ASAP3: variants seen among roughly 807,000 people sequenced by gnomAD.
ASAP3 encodes the protein arf-GAP with SH3 domain, ANK repeat and PH domain-containing protein 3.
Under a neutral mutation model 118.2 loss-of-function variants are expected in ASAP3, and 85 were observed. The observed-to-expected ratio is 0.72, with a 90% CI of 0.60 to 0.86. The LOEUF is 0.86. ASAP3 is among the 40% of genes least tolerant of loss of function. The pLI is 0.00. For synonymous variants in ASAP3, 432 were observed against 477.4 expected, an observed-to-expected ratio of 0.90 and a Z score of 1.24; for missense variants, 1,026 against 1,175.0, an observed-to-expected ratio of 0.87 and a Z score of 1.85.
chr1:23,430,971 T>C (rs1263565660), intron 24 of ASAP3, 64 bp downstream of exon 24: 12 of 1,442,576 alleles, frequency 8.3e-6, no homozygotes, highest in Middle Eastern at 2.0e-4. Flanking sequence ...CGCCTACTCT[T>C]GACTAACTCT....
At chr1:23,463,268 C>T (rs1229550994) in intron 1 of ASAP3, among the ~76,000 whole-genome samples, 4 of 152,158 alleles carry the variant, frequency 2.6e-5, no homozygotes, top group African/African-American at 9.7e-5. Context: ...TCTAATTACT[C>T]CTTTCTCAAG....
At chr1:23,473,411 GAATCAGTTTTT>G (rs1005931338) in intron 1 of ASAP3, among the ~76,000 whole-genome samples, 1 of 152,178 alleles carries the variant, frequency 6.6e-6, no homozygotes, top group African/African-American at 2.4e-5. Flanking sequence ...TGGTGAGGTG[GAATCAGTTTTT>G]CCAGGGCCCT....
At chr1:23,463,651 G>A (rs1235677691) in intron 1 of ASAP3, among the ~76,000 whole-genome samples, 1 of 151,736 alleles carries the variant, frequency 6.6e-6, no homozygotes, top group African/African-American at 2.4e-5. Context: ...GCCCAGCCTG[G>A]AGTGCAATGG....
rs757680049 is a variant in ASAP3 at position 23,434,627 on chromosome 1, A to C, written c.1750-9T>G. 6.2e-7 allele frequency: 1 copy of C among 1,612,958 alleles called. No individual in the cohort carries two copies. Among genetic ancestry groups the C allele is most frequent in the East Asian group, 2.2e-5 (1 of 44,864 alleles). On this transcript the variant is annotated splice_polypyrimidine_tract_variant and intron_variant, in intron 17 of 24. Coordinates refer to ENST00000336689, the MANE Select transcript of ASAP3 (RefSeq NM_017707.4). ...ACGAGTTCTTCAGGTGCCTGAAAACACATCCACACCTCTGAGATTCCCCCC... is the reference window on the plus strand; with the variant it reads ...ACGAGTTCTTCAGGTGCCTGAAAACCCATCCACACCTCTGAGATTCCCCCC...
intron 1 of ASAP3, among the ~76,000 whole-genome samples, chr1:23,461,713 G>T (rs1044757206): frequency 1.3e-5 from 2 of 152,000 alleles, no homozygotes; most frequent in Admixed American, 1.3e-4. Flanking sequence ...GGAATGCAAG[G>T]GTACCCTCTG....
chr1:23,443,505 G>T (rs1640944573), intron 5 of ASAP3, among the ~76,000 whole-genome samples: 1 of 152,106 alleles, frequency 6.6e-6, no homozygotes, highest in South Asian at 2.1e-4. Flanking sequence ...ATTCTTCTGA[G>T]CCCATGGAGC....
chr1:23,460,992 G>A (rs565293995), intron 1 of ASAP3, among the ~76,000 whole-genome samples: 52 of 152,278 alleles, frequency 3.4e-4, no homozygotes, highest in South Asian at 1.7e-3. Context: ...TCAACTATAC[G>A]ATATTCTGGA....
chr1:23,470,036 A>C (rs1282912388), intron 1 of ASAP3, among the ~76,000 whole-genome samples: 1 of 152,206 alleles, frequency 6.6e-6, no homozygotes, highest in Non-Finnish European at 1.5e-5. Context: ...CTTCTACTGC[A>C]TATAGAACAA....
intron 11 of ASAP3, 110 bp downstream of exon 11, chr1:23,439,051 A>C: frequency 7.2e-7 from 1 of 1,395,438 alleles, no homozygotes; most frequent in South Asian, 1.2e-5. Flanking sequence ...AGCTCCCTGG[A>C]CCTAGGTTTG....
chr1:23,430,896 T>A, intron 24 of ASAP3, 139 bp downstream of exon 24: 1 of 817,958 alleles, frequency 1.2e-6, no homozygotes, highest in Non-Finnish European at 1.9e-6. Context: ...GGACAGGGAC[T>A]GTCCAAACTG....
At chr1:23,465,647 G>A (rs992540905) in intron 1 of ASAP3, among the ~76,000 whole-genome samples, 8 of 151,888 alleles carry the variant, frequency 5.3e-5, no homozygotes, top group African/African-American at 9.7e-5. Context: ...GTTTACAGGC[G>A]TGTGCCACCA....
intron 1 of ASAP3, among the ~76,000 whole-genome samples, chr1:23,475,172 T>C (rs1376373425): frequency 6.6e-6 from 1 of 152,116 alleles, no homozygotes; most frequent in Non-Finnish European, 1.5e-5. Context: ...GCTCAACCAA[T>C]CAGAAGCCCT....
Position 23,456,032 on chromosome 1 carries a change from G to GAGGTACAGACGGGAGCTTGGAGTT in ASAP3, c.203-30_203-7dup. 23 of 1,614,142 alleles carry GAGGTACAGACGGGAGCTTGGAGTT rather than the reference G, an allele frequency of 1.4e-5. No individual in the cohort carries two copies. Among genetic ancestry groups the GAGGTACAGACGGGAGCTTGGAGTT allele is most frequent in the Non-Finnish European group, 1.9e-5 (23 of 1,180,006 alleles). ...CTCTTCATTCTCCACATGGCCTGTG[G>GAGGTACAGACGGGAGCTTGGAGTT]AGGTACAGACGGGAGCTTGGAGTTA... On this transcript the variant is annotated splice_region_variant and splice_polypyrimidine_tract_variant and intron_variant, in intron 2 of 24. Transcript: ENST00000336689.
At chr1:23,459,315 A>C (rs182146145) in intron 1 of ASAP3, among the ~76,000 whole-genome samples, 2 of 152,314 alleles carry the variant, frequency 1.3e-5, no homozygotes, top group Non-Finnish European at 2.9e-5. Flanking sequence ...GTCCTGGGAC[A>C]TGGACCTGAG....
chr1:23,436,189 G>T lies in ASAP3; in HGVS notation c.1572-161C>A, dbSNP rs1640647601. ...TCTCCCCAGGCTTTTTTTTTAGACA[G>T]TCTCACTCTATTGCCCAGGAGGGAG... is the stretch of plus-strand genomic sequence containing the variant. On this transcript the variant is annotated intron_variant, in intron 16 of 24. Transcript: ENST00000336689. This position sits in a 1 kb window ranked among gnomAD's most constrained non-coding sequence, Gnocchi z 4.2. Among the ~76,000 whole-genome samples the T allele has an allele frequency of 6.6e-6, 1 of 151,958 alleles. No homozygotes were observed. Among genetic ancestry groups the T allele is most frequent in the African/African-American group, 2.4e-5 (1 of 41,364 alleles).
At chr1:23,456,338 T>A in intron 1 of ASAP3, 144 bp from the exon 2 acceptor site, 1 of 742,058 alleles carries the variant, frequency 1.3e-6, no homozygotes, top group Non-Finnish European at 2.2e-6. Flanking sequence ...AACTTATCCC[T>A]AGGGTCTTCC....
chr1:23,462,128 A>C (rs1279956529), intron 1 of ASAP3, among the ~76,000 whole-genome samples: 1 of 150,538 alleles, frequency 6.6e-6, no homozygotes, highest in Admixed American at 6.6e-5. Context: ...GGTTCACGCC[A>C]TTCTCCTGAC....
chr1:23,454,427 C>T (rs1315412810), intron 3 of ASAP3, among the ~76,000 whole-genome samples: 1 of 152,166 alleles, frequency 6.6e-6, no homozygotes, highest in Non-Finnish European at 1.5e-5. Flanking sequence ...CTCAAGTGAT[C>T]CGCCCACCTT....
chr1:23,484,265 C>T, upstream of ASAP3: 1 of 889,216 alleles, frequency 1.1e-6, no homozygotes, highest in Non-Finnish European at 1.4e-6. Context: ...CACGCCCCGC[C>T]CCCGACCCTC....
Sources: allele counts gnomAD v4.1 joint callset (sites outside exome capture counted in the v4.1 genomes callset), GRCh38; gene constraint gnomAD v4.1.1; non-coding constraint Gnocchi (gnomAD v3.1); transcripts MANE v1.5; gene names NCBI Gene and HGNC (gene_info 2026-07-23, HGNC 2026-07-21).